The following EPB41 variants were observed in gnomAD, a reference collection of about 807,000 sequenced individuals.
EPB41 encodes the protein erythrocyte membrane protein band 4.1.
A neutral mutation model predicts 108.0 loss-of-function variants in EPB41; 65 were observed. That is an observed-to-expected ratio of 0.60 (90% CI 0.49 to 0.74). EPB41 has a LOEUF of 0.74. EPB41 is among the 30% of genes least tolerant of loss of function. The probability of loss-of-function intolerance (pLI) is 0.00; values close to 1 mark genes in which losing one functional copy is unlikely to be tolerated. For synonymous variants in EPB41, 336 were observed against 358.9 expected (o/e 0.94, Z 0.72); for missense variants, 875 against 1,037.0 (o/e 0.84, Z 2.15).
At chr1:29,116,722 A>G (rs960244814) in intron 20 of EPB41, 97 bp from the exon 21 acceptor site, 7 of 152,236 alleles carry the variant, frequency 4.6e-5, no homozygotes, top group Admixed American at 2.0e-4. Flanking sequence ...ACCTGCTCAC[A>G]TCCCCATTGT....
chr1:28,931,370 A>AT (rs934861181), intron 1 of EPB41, among the ~76,000 whole-genome samples: 9 of 135,836 alleles, frequency 6.6e-5, no homozygotes, highest in African/African-American at 2.8e-4. Flanking sequence ...AGACTCTGTC[A>AT]TTAAAAAAAA....
chr1:29,035,094 A>G (rs1352066160), intron 9 of EPB41, among the ~76,000 whole-genome samples: 3 of 146,594 alleles, frequency 2.0e-5, no homozygotes, highest in South Asian at 4.3e-4. Flanking sequence ...TGATTCTCCT[A>G]CCTCAGCCTC....
chr1:28,959,033 G>A (rs2095082788), intron 1 of EPB41, among the ~76,000 whole-genome samples: 1 of 151,658 alleles, frequency 6.6e-6, no homozygotes, highest in South Asian at 2.1e-4. Context: ...CAGGCTTGGG[G>A]TATTATAAAG....
chr1:28,991,140 T>C (rs1028354712), intron 2 of EPB41, among the ~76,000 whole-genome samples: 11 of 150,574 alleles, frequency 7.3e-5, no homozygotes, highest in Non-Finnish European at 1.3e-4. Flanking sequence ...GGTTCTTTTT[T>C]ATCCAGAATT....
At chr1:29,023,341 C>T (rs540416640) in intron 7 of EPB41, among the ~76,000 whole-genome samples, 6 of 151,862 alleles carry the variant, frequency 4.0e-5, no homozygotes, top group African/African-American at 1.5e-4. Context: ...TTAAATTTTC[C>T]TTAGTTAAAA....
At chr1:29,015,800 C>T (rs1459982441) in intron 6 of EPB41, 33 bp downstream of exon 6, 1 of 1,360,748 alleles carries the variant, frequency 7.3e-7, no homozygotes. Flanking sequence ...TGTAATTTAT[C>T]ATATAATAAT....
At chr1:28,992,454 C>T (rs1488116684) in intron 2 of EPB41, among the ~76,000 whole-genome samples, 4 of 152,024 alleles carry the variant, frequency 2.6e-5, no homozygotes, top group Non-Finnish European at 5.9e-5. Flanking sequence ...TTTGGGAGGC[C>T]GAGGCGGGCA....
intron 17 of EPB41, among the ~76,000 whole-genome samples, chr1:29,103,193 A>C (rs1666043674): frequency 6.6e-6 from 1 of 152,130 alleles, no homozygotes; most frequent in South Asian, 2.1e-4. Context: ...ACAGGCATGA[A>C]CCACCGCACC....
intron 1 of EPB41, among the ~76,000 whole-genome samples, chr1:28,900,293 T>C (rs981006780): frequency 1.1e-4 from 15 of 142,742 alleles, no homozygotes; most frequent in African/African-American, 1.2e-4. Context: ...TCTTCTTCTT[T>C]TTTTTTTTTT....
At chr1:28,994,583 A>G (rs918159552) in intron 3 of EPB41, among the ~76,000 whole-genome samples, 3 of 152,156 alleles carry the variant, frequency 2.0e-5, no homozygotes, top group Non-Finnish European at 4.4e-5. Flanking sequence ...GTTACTAGTA[A>G]CAGCTTTTAT....
intron 7 of EPB41, among the ~76,000 whole-genome samples, chr1:29,024,622 A>C (rs1473443665): frequency 6.6e-6 from 1 of 151,942 alleles, no homozygotes; most frequent in Non-Finnish European, 1.5e-5. Flanking sequence ...ACAGAGCGAG[A>C]CTCCGTCTCA....
At position 29,011,894 on chromosome 1, in the gene EPB41, A is replaced by G. The variant is rs771140516; in HGVS notation, c.816A>G (p.Lys272=). The G allele has an allele frequency of 3.1e-6, 5 of 1,614,148 alleles. No homozygotes were observed. The highest frequency in any genetic ancestry group is 4.2e-6 in the Non-Finnish European group (5 of 1,179,988). ...KTWLDSAKEI[K]KQVRGVPWNF... ...GGCTGGATTCCGCCAAAGAAATAAA[A>G]AAGCAGGTTCGTGGTAAGTGGATAT... Residue 272 remains lysine, a synonymous_variant, in exon 5 of 21, where the codon AAA becomes AAG. Coordinates refer to ENST00000343067, the MANE Select transcript of EPB41 (RefSeq NM_001376013.1).
intron 4 of EPB41, among the ~76,000 whole-genome samples, chr1:29,004,564 C>G (rs2096364753): frequency 1.3e-5 from 2 of 152,142 alleles, no homozygotes; most frequent in Admixed American, 6.5e-5. Context: ...ATGGTTGTAT[C>G]TTTATTGTCT....
At chr1:28,980,926 C>T (rs113008423) in intron 1 of EPB41, among the ~76,000 whole-genome samples, 82 of 152,004 alleles carry the variant, frequency 5.4e-4, no homozygotes, top group African/African-American at 1.9e-3. Flanking sequence ...ACGTCCGCCA[C>T]CAGGCCCAGC....
At chr1:28,928,385 G>T (rs2093568343) in intron 1 of EPB41, among the ~76,000 whole-genome samples, 1 of 152,108 alleles carries the variant, frequency 6.6e-6, no homozygotes, top group Non-Finnish European at 1.5e-5. Context: ...TCTTTCATGT[G>T]ATCAACACCA....
chr1:29,065,605 A>G (rs1335777758), intron 16 of EPB41: 2 of 152,948 alleles, frequency 1.3e-5, no homozygotes, highest in African/African-American at 4.8e-5. Context: ...GGTTCCCCAC[A>G]ATTATATAGT....
intron 1 of EPB41, among the ~76,000 whole-genome samples, chr1:28,906,802 G>A (rs1332761556): frequency 6.7e-6 from 1 of 149,000 alleles, no homozygotes; most frequent in East Asian, 2.0e-4. Flanking sequence ...TTGAGACGGA[G>A]TCTCGCTCTG....
intron 17 of EPB41, among the ~76,000 whole-genome samples, chr1:29,108,985 G>A (rs1668231993): frequency 6.6e-6 from 1 of 151,836 alleles, no homozygotes; most frequent in East Asian, 1.9e-4. Context: ...GATCACCTGA[G>A]GTGGGGAGTT....
chr1:29,005,956 T>G (rs2096391973), intron 4 of EPB41, among the ~76,000 whole-genome samples: 1 of 152,226 alleles, frequency 6.6e-6, no homozygotes, highest in African/African-American at 2.4e-5. Context: ...GCTTAAAGTG[T>G]TAATATATTT....
Sources: gnomAD v4.1 joint callset for allele counts (sites outside exome capture counted in the v4.1 genomes callset) on GRCh38, gnomAD v4.1.1 for gene constraint, MANE v1.5 for transcripts, NCBI Gene and HGNC (gene_info 2026-07-23, HGNC 2026-07-21) for gene names.